Variants in SMCO2 observed in about 807,000 individuals in gnomAD.
SMCO2 encodes single-pass membrane and coiled-coil domain-containing protein 2.
SMCO2 carries 25 observed loss-of-function variants against 29.5 expected under a neutral mutation model. That is an observed-to-expected ratio of 0.85 (90% confidence interval 0.62 to 1.18). SMCO2 has a LOEUF of 1.18. SMCO2 is among the 50% of genes most tolerant of loss of function. The pLI, the probability that SMCO2 is intolerant of heterozygous loss-of-function variation, is 0.00. For synonymous variants in SMCO2, 117 were observed against 123.3 expected (o/e 0.95, Z 0.34); for missense variants, 348 against 344.5 (o/e 1.01, Z -0.08).
chr12:27,476,492 G>T (rs1295833271), intron 4 of SMCO2, among the ~76,000 whole-genome samples: 1 of 152,078 alleles, frequency 6.6e-6, no homozygotes, highest in Non-Finnish European at 1.5e-5. Context: ...ATTGAAGTCT[G>T]TCTCTCCCTT....
chr12:27,456,860 G>T, the SMCO2 span, among the ~76,000 whole-genome samples: 2 of 152,132 alleles, frequency 1.3e-5, no homozygotes, highest in Non-Finnish European at 2.9e-5. Flanking sequence ...GAGGTGAGCA[G>T]CAGGCAGGTG....
At chr12:27,435,280 GAA>G in the SMCO2 span, among the ~76,000 whole-genome samples, 2 of 44,484 alleles carry the variant, frequency 4.5e-5, no homozygotes, top group Non-Finnish European at 7.7e-5. Context: ...GATGGCAGCA[GAA>G]CCCCCCCCCC....
chr12:27,468,571 C>A (rs1190821837), intron 1 of SMCO2, among the ~76,000 whole-genome samples: 1 of 152,240 alleles, frequency 6.6e-6, no homozygotes, highest in African/African-American at 2.4e-5. Flanking sequence ...CTCAGTTGCA[C>A]TGGCCACATT....
rs1255310175 is a variant in SMCO2, at chr12:27,495,628, C to T, written c.508-52C>T. ...GCACTCAGCATTATCTATAGTAAGA[C>T]TTGGAGACATTTAGAATTTTTTTAA... is the stretch of plus-strand genomic sequence containing the variant. On this transcript the variant is annotated intron_variant, in intron 6 of 7. Transcript: ENST00000298876. 3.6e-6 allele frequency: 5 copies of T among 1,405,066 alleles called. No individual in the cohort carries two copies. In the African/African-American group the frequency reaches 7.4e-5, roughly 21 times the overall value. The allele number at this position is 1,405,066 out of a possible 1,614,324, so 87.0% of individuals were successfully genotyped here.
At chr12:27,448,253 C>T in the SMCO2 span, among the ~76,000 whole-genome samples, 1 of 152,122 alleles carries the variant, frequency 6.6e-6, no homozygotes, top group East Asian at 1.9e-4. Context: ...ATCAAGTACC[C>T]TACAGAGGTG....
At chr12:27,456,927 A>G in the SMCO2 span, among the ~76,000 whole-genome samples, 1 of 152,208 alleles carries the variant, frequency 6.6e-6, no homozygotes, top group Non-Finnish European at 1.5e-5. Context: ...AGATTCTCAC[A>G]GTAACACAAA....
At chr12:27,435,017 A>AGGGTTCCCTAGCCTGAGGGGTTCC in the SMCO2 span, among the ~76,000 whole-genome samples, 2 of 152,090 alleles carry the variant, frequency 1.3e-5, no homozygotes, top group South Asian at 4.2e-4. Flanking sequence ...AGCAGGGTAA[A>AGGGTTCCCTAGCCTGAGGGGTTCC]CTGTGCTGAG....
intron 2 of SMCO2, among the ~76,000 whole-genome samples, chr12:27,471,098 C>A (rs1436227305): frequency 6.6e-6 from 1 of 152,014 alleles, no homozygotes; most frequent in Non-Finnish European, 1.5e-5. Context: ...AGAGGGAGTA[C>A]AAACAGTGGT....
the SMCO2 span, among the ~76,000 whole-genome samples, chr12:27,433,748 T>C: frequency 6.6e-6 from 1 of 152,268 alleles, no homozygotes; most frequent in African/African-American, 2.4e-5. Flanking sequence ...TGCTTAGGCC[T>C]ACTGCCTAGA....
At chr12:27,426,872 T>G in the SMCO2 span, among the ~76,000 whole-genome samples, 7,201 of 152,266 alleles carry the variant, frequency 0.047, 188 homozygotes, top group Middle Eastern at 0.078. Context: ...CAATTTTGTT[T>G]GCTAAGGTGG....
At chr12:27,455,975 C>T in the SMCO2 span, among the ~76,000 whole-genome samples, 15 of 152,170 alleles carry the variant, frequency 9.9e-5, no homozygotes, top group Non-Finnish European at 1.8e-4. Context: ...TTCGGGAGGC[C>T]GAGGTGGGTG....
chr12:27,487,583 G>C (rs1043346933), intron 4 of SMCO2, among the ~76,000 whole-genome samples: 1 of 152,152 alleles, frequency 6.6e-6, no homozygotes, highest in African/African-American at 2.4e-5. Context: ...AATTACCCAG[G>C]ATGAAATTGC....
chr12:27,488,524 C>T, exon 5 of SMCO2: 1 of 1,540,240 alleles, frequency 6.5e-7, no homozygotes, highest in Non-Finnish European at 8.8e-7. Flanking sequence ...GGGCCTTGAC[C>T]TTGATCAAGG....
At chr12:27,435,282 ACCCCCCCC>A in the SMCO2 span, among the ~76,000 whole-genome samples, 12 of 22,294 alleles carry the variant, frequency 5.4e-4, 5 homozygotes, top group Admixed American at 3.0e-3. Flanking sequence ...TGGCAGCAGA[ACCCCCCCC>A]CCCCCCCCCC....
chr12:27,458,272 TCAAA>T, the SMCO2 span, among the ~76,000 whole-genome samples: 7 of 152,202 alleles, frequency 4.6e-5, no homozygotes, highest in African/African-American at 9.6e-5. Flanking sequence ...ATTAAATTCC[TCAAA>T]CAATTAACCT....
rs182602732 is a variant in SMCO2, at chr12:27,475,270, C to G, written c.362+357C>G. ...CTTTTCCCTATTGTATACCTCTCCT[C>G]CCCCAGAATGATGTAACCACTATCT... On this transcript the variant is annotated intron_variant, in intron 4 of 7. Coordinates refer to ENST00000298876, the Ensembl canonical transcript of SMCO2. Among the ~76,000 whole-genome samples, 337 of 152,270 alleles carry G rather than the reference C, an allele frequency of 2.2e-3. 2 individuals are homozygous for G. Among genetic ancestry groups the G allele is most frequent in the Non-Finnish European group, 1.9e-3 (131 of 68,022 alleles).
At chr12:27,501,783 C>T in intron 7 of SMCO2, 140 bp from the exon 9 acceptor site, 1 of 618,042 alleles carries the variant, frequency 1.6e-6, no homozygotes, top group East Asian at 2.9e-5. Context: ...TTCCAAGCTG[C>T]TGCTTTTACA....
rs768029112 is a variant in SMCO2 at position 27,474,871 on chromosome 12, C to T, written c.320C>T (p.Ala107Val). Residue 107 changes from alanine to valine, a missense_variant, in exon 4 of 8, where the codon GCG becomes GTG. Ala to Val is a moderately conservative substitution (Grantham distance 64, BLOSUM62 0). Transcript: ENST00000298876. ...ACAGATGTTGATGAGGACCCTCAAG[C>T]GTCTACATCTCTGCAGTTTTCAAAG... 11 of 1,551,340 alleles carry T rather than the reference C, an allele frequency of 7.1e-6. No individual in the cohort carries two copies. The South Asian group carries it at 9.5e-5, about 13-fold the overall frequency.
upstream of SMCO2, among the ~76,000 whole-genome samples, chr12:27,461,845 C>G (rs1044699944): frequency 6.6e-6 from 1 of 152,198 alleles, no homozygotes; most frequent in African/African-American, 2.4e-5. Context: ...TGATTCAGGT[C>G]TCTTTTACTG....
Sources: gnomAD v4.1 joint callset for allele counts (sites outside exome capture counted in the v4.1 genomes callset) on GRCh38, gnomAD v4.1.1 for gene constraint, MANE v1.5 for transcripts, NCBI Gene and HGNC (gene_info 2026-07-23, HGNC 2026-07-21) for gene names.